Variants in PKD1L3 observed in about 807,000 individuals in gnomAD.
The protein encoded by PKD1L3 is polycystin-1-like protein 3.
Under a neutral mutation model 184.1 loss-of-function variants are expected in PKD1L3, and 239 were observed. The ratio of observed to expected loss-of-function variants is 1.30; its 90% confidence interval spans 1.17 to 1.45. The LOEUF (loss-of-function observed/expected upper bound fraction) is 1.45, where lower values mean the gene tolerates loss of function less well. Among genes scored for constraint, PKD1L3 ranks in the 40% most tolerant of loss-of-function variants. The pLI, the probability that PKD1L3 is intolerant of heterozygous loss-of-function variation, is 0.00. For synonymous variants in PKD1L3, 996 were observed against 778.8 expected, an observed-to-expected ratio of 1.28 and a Z score of -4.64; for missense variants, 2,660 against 2,067.2, an observed-to-expected ratio of 1.29 and a Z score of -5.56.
chr16:71,937,538 G>A (rs763999851), intron 24 of PKD1L3, 119 bp from the exon 25 acceptor site: 3 of 1,106,972 alleles, frequency 2.7e-6, no homozygotes, highest in Non-Finnish European at 3.8e-6. Context: ...CTGAGTCTCA[G>A]TGCTCCACTT....
intron 24 of PKD1L3, among the ~76,000 whole-genome samples, chr16:71,939,912 G>C (rs976492590): frequency 6.6e-6 from 1 of 152,084 alleles, no homozygotes; most frequent in Non-Finnish European, 1.5e-5. Flanking sequence ...GCAGATGAGA[G>C]CAACAAACTG....
rs529746941 is a variant in PKD1L3 at position 71,955,020 on chromosome 16, C to T, written c.2613-719G>A. 2.6e-5 allele frequency among the ~76,000 whole-genome samples: 4 copies of T among 151,918 alleles called. No homozygotes were observed. In the South Asian group the frequency reaches 8.3e-4, roughly 32 times the overall value. On this transcript the variant is annotated intron_variant, in intron 16 of 29. Coordinates refer to ENST00000620267, the MANE Select transcript of PKD1L3 (RefSeq NM_181536.2). ...GAACAAAAAAACCTCTGTAGGGCTA[C>T]ACATTTATAGTAAGGAGGTGAGAAA... is the stretch of plus-strand genomic sequence containing the variant.
chr16:71,959,166 C>T (rs1337985667), intron 16 of PKD1L3, among the ~76,000 whole-genome samples: 1 of 151,220 alleles, frequency 6.6e-6, no homozygotes, highest in Non-Finnish European at 1.5e-5. Flanking sequence ...AATCTCAGCA[C>T]TTTGGGAGGC....
In PKD1L3 at chr16:71,982,050, G is replaced by C. The variant is rs1336087373; in HGVS notation, c.1143+9C>G. On this transcript the variant is annotated intron_variant, in intron 7 of 29. Transcript: ENST00000620267. ...AGCAGATCTGGCCACCTGCATATCTGGCACCTACCGGCTCAGTATGACGCT... is the reference window on the plus strand; with the variant it reads ...AGCAGATCTGGCCACCTGCATATCTCGCACCTACCGGCTCAGTATGACGCT... 2.6e-6 allele frequency: 4 copies of C among 1,536,626 alleles called. No individual in the cohort carries two copies. Among genetic ancestry groups the C allele is most frequent in the Admixed American group, 2.1e-5 (1 of 47,664 alleles).
chr16:71,971,954 C>T (rs1270035068), intron 12 of PKD1L3, among the ~76,000 whole-genome samples: 1 of 152,118 alleles, frequency 6.6e-6, no homozygotes, highest in East Asian at 1.9e-4. Flanking sequence ...CGGTGGCTCA[C>T]ACCTGTAATC....
chr16:71,982,747 C>T (rs987951457), intron 6 of PKD1L3, among the ~76,000 whole-genome samples: 7 of 151,950 alleles, frequency 4.6e-5, no homozygotes, highest in East Asian at 1.9e-4. Context: ...AGGTGGGTAC[C>T]ACCACACCTA....
intron 24 of PKD1L3, among the ~76,000 whole-genome samples, chr16:71,940,896 T>C (rs2038338052): frequency 6.6e-6 from 1 of 151,548 alleles, no homozygotes; most frequent in Non-Finnish European, 1.5e-5. Flanking sequence ...AGTGCACTGG[T>C]ATGATCTCAG....
intron 12 of PKD1L3, among the ~76,000 whole-genome samples, chr16:71,970,966 T>A (rs2039688245): frequency 6.6e-6 from 1 of 152,240 alleles, no homozygotes; most frequent in African/African-American, 2.4e-5. Flanking sequence ...AACACTTATT[T>A]ATCTATTCAT....
intron 13 of PKD1L3, among the ~76,000 whole-genome samples, chr16:71,969,323 CTTTTTG>C (rs1468538680): frequency 6.6e-6 from 1 of 151,118 alleles, no homozygotes; most frequent in Non-Finnish European, 1.5e-5. Flanking sequence ...TTTTCTTTTT[CTTTTTG>C]GAGACTGGGT....
At chr16:71,981,592 G>A (rs889398250) in intron 7 of PKD1L3, among the ~76,000 whole-genome samples, 1 of 143,586 alleles carries the variant, frequency 7.0e-6, no homozygotes, top group Non-Finnish European at 1.5e-5. Context: ...TCTGGGCTGT[G>A]TGCAGTGGCA....
Position 71,999,884 on chromosome 16 carries a change from T to G in PKD1L3, c.95A>C (p.Asn32Thr). Reference sequence around the variant, plus strand: ...AAATCTGTTAAGCTGGTAACAATTATTTTGCCCATGTGGTGCTGGGCTGTT... The same window carrying G: ...AAATCTGTTAAGCTGGTAACAATTAGTTTGCCCATGTGGTGCTGGGCTGTT... ...ELNSPAPHGQ[N>T]NCYQLNRFQC... is the part of the protein sequence containing the mutation. Residue 32 changes from asparagine (N) to threonine (T), a missense_variant, in exon 1 of 30, where the codon AAT becomes ACT. By Grantham distance (65) the Asn-to-Thr change is moderately conservative. Coordinates refer to ENST00000620267, the MANE Select transcript of PKD1L3 (RefSeq NM_181536.2). The G allele has an allele frequency of 6.4e-7, 1 of 1,551,826 alleles. No individual in the cohort carries two copies. The highest frequency in any genetic ancestry group is 2.4e-5 in the East Asian group (1 of 40,924).
Position 71,950,112 on chromosome 16 carries a change from C to T in PKD1L3, c.3383+6G>A. 2 of 1,551,064 alleles carry T rather than the reference C, an allele frequency of 1.3e-6. No homozygotes were observed. Among genetic ancestry groups the T allele is most frequent in the Non-Finnish European group, 1.7e-6 (2 of 1,146,348 alleles). ...GGGATAAAGAAGGCTTGGTGTGGTG[C>T]ATTACCTGGATGGCTCTTGCTCCGT... On this transcript the variant is annotated splice_donor_region_variant and intron_variant, in intron 20 of 29. Transcript: ENST00000620267.
At chr16:71,953,900 G>A (rs1447055144) in intron 17 of PKD1L3, among the ~76,000 whole-genome samples, 1 of 152,152 alleles carries the variant, frequency 6.6e-6, no homozygotes, top group African/African-American at 2.4e-5. Context: ...CTGAAAGTAA[G>A]GGTAGTGGAG....
At chr16:71,943,537 C>CAAAAAAAAAAAAAA (rs10693124) in intron 23 of PKD1L3, among the ~76,000 whole-genome samples, 1 of 84,542 alleles carries the variant, frequency 1.2e-5, no homozygotes, top group Non-Finnish European at 2.2e-5. Flanking sequence ...GACTCCGTCT[C>CAAAAAAAAAAAAAA]AAAAAAAAAA....
At chr16:71,937,703 T>C (rs1044436782) in intron 24 of PKD1L3, among the ~76,000 whole-genome samples, 1 of 152,156 alleles carries the variant, frequency 6.6e-6, no homozygotes. Context: ...TTATTATAGA[T>C]GTTACCCTAT....
At chr16:71,988,254 G>A (rs1033047960) in intron 4 of PKD1L3, among the ~76,000 whole-genome samples, 22 of 152,258 alleles carry the variant, frequency 1.4e-4, no homozygotes, top group Admixed American at 1.0e-3. Flanking sequence ...GAGTTCAGCG[G>A]TGCGATCTTG....
intron 18 of PKD1L3, among the ~76,000 whole-genome samples, chr16:71,952,146 A>G (rs1343441789): frequency 1.4e-5 from 2 of 146,562 alleles, no homozygotes; most frequent in Non-Finnish European, 3.0e-5. Flanking sequence ...GCCTCCCATG[A>G]GATTCTTCCC....
chr16:71,930,535 A>T lies in PKD1L3; in HGVS notation c.4927-352T>A, dbSNP rs371051765. On this transcript the variant is annotated intron_variant, in intron 28 of 29. Coordinates refer to ENST00000620267, the MANE Select transcript of PKD1L3 (RefSeq NM_181536.2). ...GGGTAAGCAAACACTGAAAGATTAA[A>T]TGCATACCAGAAATGAGAATGCACA... The T allele has an allele frequency of 3.0e-4, 50 of 169,126 alleles. No homozygotes were observed. In the South Asian group the frequency reaches 9.3e-3, roughly 31 times the overall value. 10.5% of individuals were successfully genotyped at this position (169,126 alleles called of 1,614,324 possible). A position where few individuals can be genotyped will look rare whatever the true frequency, so the allele number is the denominator to read the frequency against.
chr16:71,968,964 G>A (rs577174634), intron 13 of PKD1L3, among the ~76,000 whole-genome samples: 1 of 150,138 alleles, frequency 6.7e-6, no homozygotes, highest in East Asian at 2.0e-4. Flanking sequence ...TCACTCTGTC[G>A]GCCAGGCTGG....
Sources: gnomAD v4.1 joint callset for allele counts (sites outside exome capture counted in the v4.1 genomes callset) on GRCh38, gnomAD v4.1.1 for gene constraint, MANE v1.5 for transcripts, NCBI Gene and HGNC (gene_info 2026-07-23, HGNC 2026-07-21) for gene names.